CRYBG1: variants seen among roughly 807,000 people sequenced by gnomAD.
CRYBG1 encodes the protein beta/gamma crystallin domain-containing protein 1.
CRYBG1 carries 139 observed loss-of-function variants against 189.2 expected under a neutral mutation model. The ratio of observed to expected loss-of-function variants is 0.73; its 90% confidence interval spans 0.64 to 0.85. The LOEUF (loss-of-function observed/expected upper bound fraction) is 0.85. Among genes scored for constraint, CRYBG1 ranks in the 40% least tolerant of loss-of-function variants. CRYBG1 has a pLI of 0.00. For synonymous variants in CRYBG1, 1,023 were observed against 1,017.1 expected (o/e 1.01, Z -0.11); for missense variants, 2,611 against 2,675.8 (o/e 0.98, Z 0.53).
intron 1 of CRYBG1, among the ~76,000 whole-genome samples, chr6:106,364,909 G>A (rs1003639855): frequency 3.3e-5 from 5 of 152,240 alleles, no homozygotes; most frequent in African/African-American, 9.6e-5. Flanking sequence ...AAAAATAAAC[G>A]AGTTAATGCA....
intron 1 of CRYBG1, among the ~76,000 whole-genome samples, chr6:106,441,946 G>A (rs1039077844): frequency 6.6e-5 from 10 of 151,992 alleles, no homozygotes; most frequent in Non-Finnish European, 1.5e-4. Context: ...TTATCAAAAG[G>A]CATTTACTAT....
chr6:106,504,283 A>C (rs1470854162), intron 2 of CRYBG1, among the ~76,000 whole-genome samples: 1 of 152,192 alleles, frequency 6.6e-6, no homozygotes, highest in Non-Finnish European at 1.5e-5. Flanking sequence ...TGGTTATATC[A>C]TATGAAATTG....
intron 3 of CRYBG1, among the ~76,000 whole-genome samples, 199 bp downstream of exon 3, chr6:106,513,238 A>G (rs996150608): frequency 6.6e-6 from 1 of 152,206 alleles, no homozygotes; most frequent in Non-Finnish European, 1.5e-5. Flanking sequence ...TCCTCAGTTA[A>G]TTCCCTTTTT....
intron 2 of CRYBG1, among the ~76,000 whole-genome samples, chr6:106,495,586 G>T (rs78555358): frequency 4.0e-5 from 6 of 149,894 alleles, no homozygotes; most frequent in South Asian, 2.1e-4. Context: ...ATAGTGGGGG[G>T]GCTGAGTACC....
At chr6:106,548,322 AG>A (rs1774311143) in intron 13 of CRYBG1, among the ~76,000 whole-genome samples, 1 of 152,132 alleles carries the variant, frequency 6.6e-6, no homozygotes, top group Non-Finnish European at 1.5e-5. Context: ...GTGATTCATC[AG>A]GTATCTTGGA....
chr6:106,486,874 C>G (rs1287397442), intron 2 of CRYBG1, among the ~76,000 whole-genome samples: 1 of 152,060 alleles, frequency 6.6e-6, no homozygotes, highest in Non-Finnish European at 1.5e-5. Flanking sequence ...CACTCTATAT[C>G]TTTTAACTGG....
intron 1 of CRYBG1, among the ~76,000 whole-genome samples, chr6:106,391,330 C>T (rs1342673650): frequency 6.6e-6 from 1 of 152,164 alleles, no homozygotes; most frequent in East Asian, 1.9e-4. Context: ...GATCTGCCCA[C>T]CTAGGCCTCC....
Position 106,525,083 on chromosome 6 carries a change from G to A in CRYBG1, c.4246-50G>A, listed in dbSNP as rs191615376. On this transcript the variant is annotated intron_variant, in intron 4 of 21. Transcript: ENST00000633556. ...GGATCGTGGGTGGAAAAAGAGGATC[G>A]TTATGTGAAGTTGTAATTATTTGTT... The A allele has an allele frequency of 5.1e-5, 81 of 1,589,398 alleles. No homozygotes were observed. In the East Asian group the frequency reaches 1.0e-3, roughly 20 times the overall value.
Position 106,416,784 on chromosome 6 carries a change from C to T in CRYBG1, c.174-34910C>T, listed in dbSNP as rs183627818. 1.3e-4 allele frequency among the ~76,000 whole-genome samples: 20 copies of T among 152,204 alleles called. No homozygotes were observed. The East Asian group carries it at 3.9e-3, about 29-fold the overall frequency. ...TGTGTGTTTGTTGACATAAAAGACA[C>T]TTGTGATATGCTGTTAATACTTTTT... On this transcript the variant is annotated intron_variant, in intron 1 of 21. Transcript: ENST00000633556.
intron 1 of CRYBG1, among the ~76,000 whole-genome samples, chr6:106,375,003 G>A (rs1351047633): frequency 6.6e-6 from 1 of 152,144 alleles, no homozygotes; most frequent in Non-Finnish European, 1.5e-5. Context: ...TATTTTGAAT[G>A]ACATATTGAG....
intron 2 of CRYBG1, among the ~76,000 whole-genome samples, chr6:106,452,149 G>A (rs965623274): frequency 4.1e-5 from 6 of 147,988 alleles, no homozygotes; most frequent in Non-Finnish European, 7.4e-5. Flanking sequence ...GCTCACGCCT[G>A]TAATCCCAGC....
chr6:106,541,915 A>G (rs536174479), intron 10 of CRYBG1, among the ~76,000 whole-genome samples: 3 of 152,148 alleles, frequency 2.0e-5, no homozygotes, highest in Non-Finnish European at 4.4e-5. Context: ...AGTTGTATTT[A>G]CTAATTGCAG....
intron 8 of CRYBG1, among the ~76,000 whole-genome samples, chr6:106,532,538 T>C (rs2994493): frequency 0.056 from 8,447 of 152,194 alleles, 809 homozygotes; most frequent in African/African-American, 0.19. Context: ...TGTGGAAGAG[T>C]TCCCTTTGCT....
At chr6:106,434,286 G>A (rs1464098799) in intron 1 of CRYBG1, among the ~76,000 whole-genome samples, 12 of 152,130 alleles carry the variant, frequency 7.9e-5, no homozygotes, top group South Asian at 2.1e-4. Context: ...GGACACGGGC[G>A]TAAATACCAG....
rs1271696161 is a variant in CRYBG1 at position 106,521,158 on chromosome 6, C to CA, written c.3952dup (p.Ser1318LysfsTer38). On this transcript the variant is annotated frameshift_variant, in exon 4 of 22. Transcript: ENST00000633556. LOFTEE classifies it high-confidence loss of function. ...TTAAAGGTCTTCAATTTCAACTCGT[C>CA]AAGTACATCACACTCCAGTTTGAAA... 2 of 1,613,994 alleles carry CA rather than the reference C, an allele frequency of 1.2e-6. No homozygotes were observed. The highest frequency in any genetic ancestry group is 1.7e-6 in the Non-Finnish European group (2 of 1,180,044).
At position 106,519,240 on chromosome 6, in the gene CRYBG1, GC is replaced by G; in HGVS notation, c.2034del (p.Thr679ProfsTer39). 6.2e-7 allele frequency: 1 copy of G among 1,614,044 alleles called. No individual in the cohort carries two copies. The highest frequency in any genetic ancestry group is 1.1e-5 in the South Asian group (1 of 91,076). ...FSQPVHKGNT[A>X]TKISLFENKR... ...CCAGCCAGTTCACAAAGGCAACACT[GC>G]CACCAAAATCTCCTTATTTGAAAAC... On this transcript the variant is annotated frameshift_variant, in exon 4 of 22. Transcript: ENST00000633556. LOFTEE classifies it high-confidence loss of function.
chr6:106,411,821 G>A (rs968734646), intron 1 of CRYBG1, among the ~76,000 whole-genome samples: 5 of 152,180 alleles, frequency 3.3e-5, no homozygotes, highest in African/African-American at 9.7e-5. Context: ...AAGTCCCAGA[G>A]TACAAAGTCT....
At chr6:106,387,045 C>T (rs1409060829) in intron 1 of CRYBG1, among the ~76,000 whole-genome samples, 1 of 152,084 alleles carries the variant, frequency 6.6e-6, no homozygotes, top group African/African-American at 2.4e-5. Flanking sequence ...AGGGATTTAC[C>T]ATGGAACATA....
chr6:106,482,559 A>G (rs1380584187), intron 2 of CRYBG1, among the ~76,000 whole-genome samples: 1 of 152,118 alleles, frequency 6.6e-6, no homozygotes, highest in Non-Finnish European at 1.5e-5. Context: ...GTGAATCACA[A>G]GGTCAGGAGA....
Sources: allele counts gnomAD v4.1 joint callset (sites outside exome capture counted in the v4.1 genomes callset), GRCh38; gene constraint gnomAD v4.1.1; transcripts MANE v1.5; gene names NCBI Gene and HGNC (gene_info 2026-07-23, HGNC 2026-07-21).